CDH4: variants seen among roughly 807,000 people sequenced by gnomAD.
CDH4 encodes the protein cadherin 4, also known as cadherin-4.
Under a neutral mutation model 86.0 loss-of-function variants are expected in CDH4, and 33 were observed. That is an observed-to-expected ratio of 0.38 (90% confidence interval 0.29 to 0.51). The LOEUF is 0.51. Ranked by LOEUF, CDH4 falls within the 20% of genes least tolerant of loss-of-function variation. CDH4 has a pLI of 0.86. For missense variants in CDH4, 1,114 were observed against 1,307.4 expected (o/e 0.85, Z 2.28); for synonymous variants, 555 against 549.4 (o/e 1.01, Z -0.14).
At chr20:61,549,237 C>T (rs2086110198) in intron 2 of CDH4, among the ~76,000 whole-genome samples, 1 of 152,102 alleles carries the variant, frequency 6.6e-6, no homozygotes, top group Non-Finnish European at 1.5e-5. Flanking sequence ...GCGTGAAATA[C>T]GCAGTGACAG....
intron 2 of CDH4, among the ~76,000 whole-genome samples, chr20:61,666,273 C>T (rs530148578): frequency 1.3e-5 from 2 of 152,186 alleles, no homozygotes; most frequent in Non-Finnish European, 2.9e-5. Context: ...CAGATGAGAG[C>T]CACGGTGCCT....
At position 61,393,100 on chromosome 20, in the gene CDH4, T is replaced by G. The variant is rs1392982925; in HGVS notation, c.169+138163T>G. Among the ~76,000 whole-genome samples, 1 of 150,162 alleles carries G rather than the reference T, an allele frequency of 6.7e-6. No individual in the cohort carries two copies. Among genetic ancestry groups the G allele is most frequent in the African/African-American group, 2.4e-5 (1 of 40,976 alleles). Reference sequence around the variant, plus strand: ...AATTTCTTACTGAATTGATTCCCACTGAATCTCTGTAGAAATATCCTCTTT... The same window carrying G: ...AATTTCTTACTGAATTGATTCCCACGGAATCTCTGTAGAAATATCCTCTTT... On this transcript the variant is annotated intron_variant, in intron 2 of 15. Coordinates refer to ENST00000614565, the MANE Select transcript of CDH4 (RefSeq NM_001794.5). The surrounding 1 kb of genome is among the most constrained non-coding windows in gnomAD (Gnocchi z 4.3).
intron 2 of CDH4, among the ~76,000 whole-genome samples, chr20:61,580,727 C>T (rs1405827744): frequency 6.6e-5 from 10 of 152,098 alleles, no homozygotes; most frequent in Non-Finnish European, 1.5e-5. Context: ...GTTTCCAGAC[C>T]ACCACTGGTG....
At chr20:61,885,953 G>A (rs1377860678) in intron 7 of CDH4, among the ~76,000 whole-genome samples, 1 of 152,230 alleles carries the variant, frequency 6.6e-6, no homozygotes, top group African/African-American at 2.4e-5. Flanking sequence ...GCTGACCTGA[G>A]AGGAGCTGGA....
At chr20:61,774,297 C>G (rs1423238819) in intron 4 of CDH4, among the ~76,000 whole-genome samples, 1 of 152,218 alleles carries the variant, frequency 6.6e-6, no homozygotes, top group African/African-American at 2.4e-5. Flanking sequence ...AAGGAAGCCA[C>G]CAGGGGTTGG....
intron 2 of CDH4, among the ~76,000 whole-genome samples, chr20:61,474,320 C>A (rs1325974950): frequency 6.7e-6 from 1 of 149,384 alleles, no homozygotes; most frequent in African/African-American, 2.5e-5. Context: ...ACCACCACAC[C>A]CAGCTAATTT....
chr20:61,472,238 G>C (rs532982128), intron 2 of CDH4, among the ~76,000 whole-genome samples: 12 of 152,186 alleles, frequency 7.9e-5, no homozygotes, highest in African/African-American at 2.9e-4. Context: ...TGAATTGACC[G>C]CTTTATCACC....
At position 61,882,053 on chromosome 20, in the gene CDH4, A is replaced by T. The variant is rs6061378; in HGVS notation, c.1050+8153A>T. 5.9e-4 allele frequency among the ~76,000 whole-genome samples: 90 copies of T among 152,304 alleles called. 2 individuals carry two copies. The highest frequency in any genetic ancestry group is 2.0e-3 in the African/African-American group (84 of 41,564). On this transcript the variant is annotated intron_variant, in intron 7 of 15. Transcript: ENST00000614565. Reference sequence around the variant, plus strand: ...AAGAGGCAGGACAGGTCCTCCCTCAAGCCCCTGGATGGAGCCGGACCCTGC... The same window carrying T: ...AAGAGGCAGGACAGGTCCTCCCTCATGCCCCTGGATGGAGCCGGACCCTGC...
chr20:61,620,294 T>G (rs1568716968), intron 2 of CDH4, among the ~76,000 whole-genome samples: 1 of 140,522 alleles, frequency 7.1e-6, no homozygotes, highest in African/African-American at 2.7e-5. Context: ...GGATGGATGA[T>G]AGATGGTAGG....
intron 3 of CDH4, among the ~76,000 whole-genome samples, chr20:61,750,540 A>G (rs2145953460): frequency 6.6e-6 from 1 of 152,378 alleles, no homozygotes; most frequent in East Asian, 1.9e-4. Context: ...AGGAAAAATT[A>G]AAACAAATCT....
intron 4 of CDH4, among the ~76,000 whole-genome samples, chr20:61,802,592 G>T (rs1466090072): frequency 6.6e-6 from 1 of 152,170 alleles, no homozygotes; most frequent in Non-Finnish European, 1.5e-5. Flanking sequence ...ATTTCCAAAC[G>T]GGAGTCCACG....
At chr20:61,584,513 A>G (rs1452616803) in intron 2 of CDH4, among the ~76,000 whole-genome samples, 1 of 152,062 alleles carries the variant, frequency 6.6e-6, no homozygotes, top group Non-Finnish European at 1.5e-5. Context: ...AGCCCACTCC[A>G]TGGAGTGGGA....
At chr20:61,799,311 C>A (rs922543886) in intron 4 of CDH4, among the ~76,000 whole-genome samples, 1 of 152,290 alleles carries the variant, frequency 6.6e-6, no homozygotes, top group African/African-American at 2.4e-5. Context: ...CTGCTACCTC[C>A]AGGAGAAAAA....
At chr20:61,533,787 G>A (rs558993366) in intron 2 of CDH4, among the ~76,000 whole-genome samples, 95 of 152,352 alleles carry the variant, frequency 6.2e-4, no homozygotes, top group African/African-American at 2.2e-3. Flanking sequence ...CGCATATATG[G>A]AGCCTAATTA....
At chr20:61,323,880 G>GTGGT (rs1440393783) in intron 2 of CDH4, among the ~76,000 whole-genome samples, 8 of 152,206 alleles carry the variant, frequency 5.3e-5, no homozygotes, top group Admixed American at 3.3e-4. Context: ...GAGATTGTAT[G>GTGGT]ATCCTAAGAG....
chr20:61,617,446 G>A (rs2086734285), intron 2 of CDH4, among the ~76,000 whole-genome samples: 1 of 152,210 alleles, frequency 6.6e-6, no homozygotes, highest in South Asian at 2.1e-4. Flanking sequence ...CCCACAGGCT[G>A]GGGAGTGAAG....
In CDH4 at chr20:61,719,918, G is replaced by A. The variant is rs536650960; in HGVS notation, c.170-23645G>A. Reference sequence around the variant, plus strand: ...GGGAAGCACCTTGCTTTTGTGAACAGCAGAAAAGGTGATAAGACATTGCGG... The same window carrying A: ...GGGAAGCACCTTGCTTTTGTGAACAACAGAAAAGGTGATAAGACATTGCGG... On this transcript the variant is annotated intron_variant, in intron 2 of 15. Transcript: ENST00000614565. Among the ~76,000 whole-genome samples the A allele has an allele frequency of 3.0e-3, 451 of 151,114 alleles. 1 individual carries two copies. Among genetic ancestry groups the A allele is most frequent in the African/African-American group, 0.011 (434 of 40,428 alleles).
At chr20:61,546,683 G>A (rs768100300) in intron 2 of CDH4, among the ~76,000 whole-genome samples, 5 of 152,026 alleles carry the variant, frequency 3.3e-5, no homozygotes, top group Non-Finnish European at 7.4e-5. Flanking sequence ...TGGAGATCCA[G>A]CTCTGAATGT....
At chr20:61,771,010 C>CTTTTTTT (rs756131628) in intron 3 of CDH4, among the ~76,000 whole-genome samples, 5 of 130,384 alleles carry the variant, frequency 3.8e-5, no homozygotes, top group African/African-American at 5.7e-5. Context: ...TTCTTTTTTT[C>CTTTTTTT]TTTTTTTTTT....
Sources: gnomAD v4.1 joint callset for allele counts (sites outside exome capture counted in the v4.1 genomes callset) on GRCh38, gnomAD v4.1.1 for gene constraint, Gnocchi (gnomAD v3.1) non-coding constraint, MANE v1.5 for transcripts, NCBI Gene and HGNC (gene_info 2026-07-23, HGNC 2026-07-21) for gene names.